The following PSMA1 variants were observed in gnomAD, a reference collection of about 807,000 sequenced individuals.
PSMA1 encodes proteasome subunit alpha type-1.
A neutral mutation model predicts 38.4 loss-of-function variants in PSMA1; 3 were observed. The ratio of observed to expected loss-of-function variants is 0.08; its 90% confidence interval spans 0.04 to 0.20. PSMA1 has a LOEUF of 0.20. PSMA1 is among the 10% of genes least tolerant of loss of function. The pLI is 1.00. For missense variants in PSMA1, 227 were observed against 325.3 expected, an observed-to-expected ratio of 0.70 and a Z score of 2.32; for synonymous variants, 101 against 107.1, an observed-to-expected ratio of 0.94 and a Z score of 0.35.
At position 14,517,693 on chromosome 11, in the gene PSMA1, T is replaced by A; in HGVS notation, c.203A>T (p.Asn68Ile). 1 of 1,610,060 alleles carries A rather than the reference T, an allele frequency of 6.2e-7. No individual in the cohort carries two copies. The highest frequency in any genetic ancestry group is 8.5e-7 in the Non-Finnish European group (1 of 1,179,310). Reference sequence around the variant, plus strand: ...CCCCGCAATTGAGATACCAATATGGTTGTCAACATGGAGAATTTTTTTCTG... The same window carrying A: ...CCCCGCAATTGAGATACCAATATGGATGTCAACATGGAGAATTTTTTTCTG... The part of the protein sequence containing the change: ...AHQKKILHVD[N>I]HIGISIAGLT... Residue 68 changes from asparagine (N) to isoleucine (I), a missense_variant, in exon 4 of 10, where the codon AAC (asparagine) becomes ATC (isoleucine). Coordinates refer to ENST00000396394, the MANE Select transcript of PSMA1 (RefSeq NM_002786.4).
intron 2 of PSMA1, among the ~76,000 whole-genome samples, chr11:14,589,684 C>T (rs879834679): frequency 6.6e-6 from 1 of 152,208 alleles, no homozygotes; most frequent in South Asian, 2.1e-4. Flanking sequence ...CAAAGGACAG[C>T]ACTTAGGTAA....
intron 2 of PSMA1, among the ~76,000 whole-genome samples, chr11:14,579,193 C>T (rs1236602210): frequency 6.6e-6 from 1 of 152,168 alleles, no homozygotes; most frequent in Non-Finnish European, 1.5e-5. Flanking sequence ...ATAAATCTAT[C>T]CTTTTACTAT....
At chr11:14,524,710 C>T (rs111408591), upstream of PSMA1, among the ~76,000 whole-genome samples, 5 of 152,282 alleles carry the variant, frequency 3.3e-5, no homozygotes, top group African/African-American at 1.2e-4. Context: ...GCCGAAGACC[C>T]GGGTCAGCGG....
At chr11:14,508,003 T>C (rs762589675) in intron 8 of PSMA1, among the ~76,000 whole-genome samples, 7 of 152,222 alleles carry the variant, frequency 4.6e-5, no homozygotes, top group Non-Finnish European at 7.3e-5. Flanking sequence ...CTATGTTATC[T>C]AGAAACATTT....
chr11:14,530,282 A>T (rs143675475), intron 2 of PSMA1, among the ~76,000 whole-genome samples: 1 of 152,172 alleles, frequency 6.6e-6, no homozygotes, highest in Non-Finnish European at 1.5e-5. Flanking sequence ...CAGTCTCTGA[A>T]TTAGAAGTAG....
intron 1 of PSMA1, among the ~76,000 whole-genome samples, chr11:14,622,477 C>G (rs1022231134): frequency 1.3e-5 from 2 of 152,154 alleles, no homozygotes; most frequent in Non-Finnish European, 2.9e-5. Flanking sequence ...TGCTAAAGGC[C>G]TTGGTAAGAC....
At chr11:14,603,628 T>G (rs1023052294) in intron 2 of PSMA1, among the ~76,000 whole-genome samples, 1 of 152,242 alleles carries the variant, frequency 6.6e-6, no homozygotes, top group African/African-American at 2.4e-5. Context: ...AAACATCAAA[T>G]ATTCCTAGCT....
chr11:14,537,942 C>T lies in PSMA1; in HGVS notation c.22-18901G>A, dbSNP rs554465814. On this transcript the variant is annotated intron_variant, in intron 2 of 10. Coordinates refer to the PSMA1 transcript ENST00000418988. ...CAGGCTGGTCTCGAACTCCTGGCCT[C>T]AAGTGATCCGCCTGCCTCGGACTCC... Among the ~76,000 whole-genome samples, 21 of 152,192 alleles carry T rather than the reference C, an allele frequency of 1.4e-4. No homozygotes were observed. In the South Asian group the frequency reaches 3.7e-3, roughly 27 times the overall value.
chr11:14,598,230 T>A (rs998948737), intron 2 of PSMA1, among the ~76,000 whole-genome samples: 4 of 152,208 alleles, frequency 2.6e-5, no homozygotes, highest in African/African-American at 9.6e-5. Context: ...TTCTGTTGAT[T>A]TGGGGTGGAG....
chr11:14,570,748 G>A (rs540547685), intron 2 of PSMA1, among the ~76,000 whole-genome samples: 10 of 152,280 alleles, frequency 6.6e-5, no homozygotes, highest in African/African-American at 1.9e-4. Flanking sequence ...TGAAAATGAC[G>A]GGGAGAATGG....
At chr11:14,628,220 GGTTA>G (rs991450809) in intron 1 of PSMA1, among the ~76,000 whole-genome samples, 5 of 151,358 alleles carry the variant, frequency 3.3e-5, no homozygotes, top group African/African-American at 9.7e-5. Flanking sequence ...ACATTGTGCA[GGTTA>G]GTTACATATG....
At chr11:14,543,191 A>G (rs1003313620) in intron 2 of PSMA1, among the ~76,000 whole-genome samples, 1 of 152,160 alleles carries the variant, frequency 6.6e-6, no homozygotes, top group Non-Finnish European at 1.5e-5. Flanking sequence ...CCTTGCACCA[A>G]ATTTCAAAAA....
At chr11:14,541,305 C>T (rs572442487) in intron 2 of PSMA1, among the ~76,000 whole-genome samples, 2 of 152,176 alleles carry the variant, frequency 1.3e-5, no homozygotes, top group Non-Finnish European at 2.9e-5. Context: ...ATGCTTCTGA[C>T]GCAGCAAACA....
At chr11:14,541,701 G>A (rs916178375) in intron 2 of PSMA1, among the ~76,000 whole-genome samples, 3 of 152,208 alleles carry the variant, frequency 2.0e-5, no homozygotes, top group Non-Finnish European at 4.4e-5. Flanking sequence ...AGCCTCTTAG[G>A]AGTTCCCCTC....
intron 2 of PSMA1, among the ~76,000 whole-genome samples, chr11:14,599,200 C>A (rs948771665): frequency 2.0e-5 from 3 of 152,194 alleles, no homozygotes; most frequent in Non-Finnish European, 4.4e-5. Context: ...TTTGGTGAAT[C>A]TGACAATTAT....
At chr11:14,630,651 C>T (rs1852991305) in intron 1 of PSMA1, among the ~76,000 whole-genome samples, 1 of 151,424 alleles carries the variant, frequency 6.6e-6, no homozygotes, top group Non-Finnish European at 1.5e-5. Context: ...CTCTGCCTGG[C>T]TTTGGTATCA....
chr11:14,545,467 T>C (rs369556451), intron 2 of PSMA1, among the ~76,000 whole-genome samples: 2 of 151,678 alleles, frequency 1.3e-5, no homozygotes, highest in African/African-American at 4.8e-5. Flanking sequence ...TCTCCCTTCC[T>C]TTCCCCTCGT....
intron 1 of PSMA1, among the ~76,000 whole-genome samples, chr11:14,613,533 C>T (rs928940575): frequency 2.0e-5 from 3 of 152,042 alleles, no homozygotes; most frequent in African/African-American, 7.2e-5. Flanking sequence ...GGATTATAGG[C>T]GTGAGCACTG....
upstream of PSMA1, among the ~76,000 whole-genome samples, chr11:14,522,110 C>A (rs1055407408): frequency 3.1e-4 from 47 of 152,122 alleles, no homozygotes; most frequent in African/African-American, 1.1e-3. Context: ...ATGCCTCACA[C>A]AGATGTGTAA....
Sources: gnomAD v4.1 joint callset for allele counts (sites outside exome capture counted in the v4.1 genomes callset) on GRCh38, gnomAD v4.1.1 for gene constraint, MANE v1.5 for transcripts, NCBI Gene and HGNC (gene_info 2026-07-23, HGNC 2026-07-21) for gene names.